The following NRG1 variants were observed in gnomAD, a reference collection of about 807,000 sequenced individuals.
NRG1 encodes pro-neuregulin-1, membrane-bound isoform.
A neutral mutation model predicts 63.8 loss-of-function variants in NRG1; 18 were observed. The ratio of observed to expected loss-of-function variants is 0.28; its 90% CI spans 0.19 to 0.42. The LOEUF is 0.42. Ranked by LOEUF, NRG1 falls within the 10% of genes least tolerant of loss-of-function variation. The pLI is 1.00. For missense variants in NRG1, 762 were observed against 814.7 expected, an observed-to-expected ratio of 0.94 and a Z score of 0.79; for synonymous variants, 302 against 301.3, an observed-to-expected ratio of 1.00 and a Z score of -0.02.
At chr8:31,810,213 TC>T (rs1384079892) in intron 1 of NRG1, among the ~76,000 whole-genome samples, 2 of 152,180 alleles carry the variant, frequency 1.3e-5, no homozygotes, top group Non-Finnish European at 2.9e-5. Flanking sequence ...GTCACCATCA[TC>T]TTTCACTTAC....
chr8:31,658,075 T>C (rs900215607), intron 1 of NRG1, among the ~76,000 whole-genome samples: 16 of 152,216 alleles, frequency 1.1e-4, no homozygotes, highest in African/African-American at 3.9e-4. Context: ...TCAGATCCAC[T>C]TGGACAAAAC....
chr8:32,607,062 A>G (rs1043393190), intron 3 of NRG1, among the ~76,000 whole-genome samples: 2 of 152,170 alleles, frequency 1.3e-5, no homozygotes, highest in Non-Finnish European at 1.5e-5. Context: ...TAGAGAGTAA[A>G]GGAGAGCAGG....
chr8:31,817,019 T>TA (rs888290607), intron 1 of NRG1, among the ~76,000 whole-genome samples: 8 of 151,868 alleles, frequency 5.3e-5, no homozygotes, highest in South Asian at 2.1e-4. Flanking sequence ...TCCCTCATTA[T>TA]AAAAAAAAAT....
chr8:31,759,426 G>A (rs2131505795), intron 1 of NRG1, among the ~76,000 whole-genome samples: 1 of 151,822 alleles, frequency 6.6e-6, no homozygotes, highest in South Asian at 2.1e-4. Flanking sequence ...TATAGTATAA[G>A]GTCAAGATTA....
intron 8 of NRG1, among the ~76,000 whole-genome samples, chr8:32,754,911 C>T (rs990003456): frequency 2.0e-5 from 3 of 152,110 alleles, no homozygotes; most frequent in Non-Finnish European, 4.4e-5. Context: ...ATTCAGGGTG[C>T]AGTAGTACCT....
intron 1 of NRG1, among the ~76,000 whole-genome samples, chr8:32,009,072 G>A (rs1179895755): frequency 6.6e-6 from 1 of 152,034 alleles, no homozygotes; most frequent in African/African-American, 2.4e-5. Flanking sequence ...AGTCACACTG[G>A]TTATTTTTAG....
chr8:32,378,698 C>T (rs1303830266), intron 1 of NRG1, among the ~76,000 whole-genome samples: 1 of 151,966 alleles, frequency 6.6e-6, no homozygotes, highest in Non-Finnish European at 1.5e-5. Flanking sequence ...ATACATGTGC[C>T]ATGTTGGTGT....
At chr8:32,352,736 C>T (rs910081974) in intron 1 of NRG1, among the ~76,000 whole-genome samples, 9 of 151,926 alleles carry the variant, frequency 5.9e-5, no homozygotes, top group Non-Finnish European at 1.2e-4. Context: ...TAACAATTAG[C>T]TGGGCATGGT....
At chr8:31,892,710 C>T (rs1317612998) in intron 1 of NRG1, among the ~76,000 whole-genome samples, 1 of 151,998 alleles carries the variant, frequency 6.6e-6, no homozygotes, top group Non-Finnish European at 1.5e-5. Context: ...ATCATTGGCT[C>T]TTTAGCAGGG....
intron 1 of NRG1, among the ~76,000 whole-genome samples, chr8:31,814,364 T>C (rs956339497): frequency 6.6e-6 from 1 of 152,164 alleles, no homozygotes; most frequent in African/African-American, 2.4e-5. Context: ...GCTTGGAAAA[T>C]TCATAAAATC....
At chr8:32,036,701 T>G (rs1030115746) in intron 1 of NRG1, among the ~76,000 whole-genome samples, 5 of 152,166 alleles carry the variant, frequency 3.3e-5, no homozygotes, top group African/African-American at 9.7e-5. Flanking sequence ...TCTGATATCC[T>G]TTTTTTCCAC....
At chr8:31,666,216 G>A (rs924510644) in intron 1 of NRG1, among the ~76,000 whole-genome samples, 14 of 152,148 alleles carry the variant, frequency 9.2e-5, no homozygotes, top group African/African-American at 3.4e-4. Flanking sequence ...AGATCTAAGA[G>A]GCTGAAATTG....
intron 1 of NRG1, among the ~76,000 whole-genome samples, chr8:31,892,196 A>G (rs1831201001): frequency 6.6e-6 from 1 of 152,152 alleles, no homozygotes; most frequent in Non-Finnish European, 1.5e-5. Context: ...ATCTCTAATG[A>G]AAAGTCTCAT....
chr8:31,759,646 C>T (rs1000847774), intron 1 of NRG1, among the ~76,000 whole-genome samples: 6 of 152,170 alleles, frequency 3.9e-5, no homozygotes, highest in Admixed American at 3.3e-4. Context: ...AGTTAGCATA[C>T]GTTCTCTAAC....
intron 1 of NRG1, among the ~76,000 whole-genome samples, chr8:32,593,651 C>CTAAATAAA (rs201540436): frequency 1.3e-5 from 2 of 151,480 alleles, no homozygotes; most frequent in African/African-American, 4.9e-5. Flanking sequence ...AAGATCCTGT[C>CTAAATAAA]TAAATAAATA....
chr8:32,680,663 A>G (rs1390173676), intron 5 of NRG1, among the ~76,000 whole-genome samples: 1 of 152,066 alleles, frequency 6.6e-6, no homozygotes, highest in Non-Finnish European at 1.5e-5. Context: ...ATCTTTCTTG[A>G]TATCCTTACC....
intron 3 of NRG1, among the ~76,000 whole-genome samples, chr8:32,610,389 C>T (rs1359110417): frequency 1.3e-5 from 2 of 152,094 alleles, no homozygotes; most frequent in East Asian, 1.9e-4. Flanking sequence ...ACTTTCTCCC[C>T]AGATGACCTT....
At chr8:31,688,235 A>G (rs1042473336) in intron 1 of NRG1, among the ~76,000 whole-genome samples, 9 of 152,166 alleles carry the variant, frequency 5.9e-5, no homozygotes, top group African/African-American at 2.2e-4. Context: ...CTCCAAAGTG[A>G]TGGTATTAAG....
At chr8:31,892,755 G>A (rs1358160067) in intron 1 of NRG1, among the ~76,000 whole-genome samples, 1 of 151,944 alleles carries the variant, frequency 6.6e-6, no homozygotes, top group South Asian at 2.1e-4. Flanking sequence ...AATAAATGAT[G>A]CAGTTTATCA....
Sources: gnomAD v4.1 joint callset for allele counts (sites outside exome capture counted in the v4.1 genomes callset) on GRCh38, gnomAD v4.1.1 for gene constraint, MANE v1.5 for transcripts, NCBI Gene and HGNC (gene_info 2026-07-23, HGNC 2026-07-21) for gene names.